Variants in NRG1 observed in about 807,000 individuals in gnomAD.
The protein encoded by NRG1 is pro-neuregulin-1, membrane-bound isoform.
NRG1 carries 18 observed loss-of-function variants against 63.8 expected under a neutral mutation model. The observed-to-expected ratio is 0.28, with a 90% confidence interval of 0.19 to 0.42. NRG1 has a LOEUF of 0.42. Among genes scored for constraint, NRG1 ranks in the 10% least tolerant of loss-of-function variants. The probability of loss-of-function intolerance (pLI) is 1.00; values close to 1 mark genes in which losing one functional copy is unlikely to be tolerated. For synonymous variants in NRG1, 302 were observed against 301.3 expected (o/e 1.00, Z -0.02); for missense variants, 762 against 814.7 (o/e 0.94, Z 0.79).
At chr8:32,422,718 T>G (rs558362916) in intron 1 of NRG1, among the ~76,000 whole-genome samples, 2 of 152,362 alleles carry the variant, frequency 1.3e-5, no homozygotes, top group East Asian at 1.9e-4. Context: ...ACGTTGGGTA[T>G]TGTCAATTTT....
At chr8:31,847,298 C>T (rs565501081) in intron 1 of NRG1, among the ~76,000 whole-genome samples, 2 of 140,118 alleles carry the variant, frequency 1.4e-5, no homozygotes, top group African/African-American at 5.2e-5. Flanking sequence ...CTTTAAAAGA[C>T]ATTAAGCCAT....
chr8:31,659,486 G>A (rs1187169260), intron 1 of NRG1, among the ~76,000 whole-genome samples: 2 of 152,070 alleles, frequency 1.3e-5, no homozygotes, highest in African/African-American at 2.4e-5. Flanking sequence ...TCCCCCAGGG[G>A]CGAGGGGGGA....
In NRG1 at chr8:32,412,441, T is replaced by TACACAC. The variant is rs1246016477; in HGVS notation, c.38-183386_38-183385insCACACA. Among the ~76,000 whole-genome samples the TACACAC allele has an allele frequency of 8.1e-5, 4 of 49,638 alleles. 1 individual carries two copies. The highest frequency in any genetic ancestry group is 1.5e-4 in the Non-Finnish European group (3 of 20,308). 32.6% of individuals were successfully genotyped at this position (49,638 alleles called of 152,430 possible). A position where few individuals can be genotyped will look rare whatever the true frequency, so the allele number is the denominator to read the frequency against. On this transcript the variant is annotated intron_variant, in intron 1 of 10. Coordinates refer to the NRG1 transcript ENST00000519301. ...CTCTCTACATATATATATATATATATATATATATATACATATATATATATA... is the reference window on the plus strand; with the variant it reads ...CTCTCTACATATATATATATATATATACACACATATATATATACATATATATATATA...
chr8:32,543,922 C>T (rs1832806272), upstream of NRG1, among the ~76,000 whole-genome samples: 1 of 152,250 alleles, frequency 6.6e-6, no homozygotes, highest in South Asian at 2.1e-4. Flanking sequence ...ATAAACTCAA[C>T]ATGCATGTTG....
chr8:32,607,887 C>G (rs1389691915), intron 3 of NRG1, among the ~76,000 whole-genome samples: 1 of 151,990 alleles, frequency 6.6e-6, no homozygotes, highest in East Asian at 1.9e-4. Context: ...GTAATTAAAG[C>G]CTCTGAAGAA....
chr8:32,102,623 C>T (rs931231774), intron 1 of NRG1, among the ~76,000 whole-genome samples: 15 of 152,180 alleles, frequency 9.9e-5, no homozygotes, highest in Admixed American at 9.8e-4. Context: ...TATCTCTGTG[C>T]TCCCTGTTAG....
intron 1 of NRG1, among the ~76,000 whole-genome samples, chr8:32,293,648 AT>A (rs1183819528): frequency 2.2e-5 from 3 of 135,784 alleles, no homozygotes; most frequent in East Asian, 2.2e-4. Context: ...ATTTTTTTCT[AT>A]TTTTTTATTT....
rs145791109 is a variant in NRG1, at chr8:32,525,326, G to C, written c.38-70502G>C. ...GCCCCTGTGGCACTGCTGAAAGTCA[G>C]TCTTTTGTCACAAGGAAGGCAGTTT... On this transcript the variant is annotated intron_variant, in intron 1 of 10. Transcript: ENST00000519301. 9.7e-4 allele frequency among the ~76,000 whole-genome samples: 148 copies of C among 152,064 alleles called. 1 individual carries two copies. The highest frequency in any genetic ancestry group is 3.4e-3 in the African/African-American group (141 of 41,486).
intron 8 of NRG1, 129 bp downstream of exon 8, chr8:32,754,603 A>G (rs2129052778): frequency 1.3e-6 from 1 of 782,726 alleles, no homozygotes; most frequent in East Asian, 2.7e-5. Context: ...GCAGGGGGAG[A>G]TTATTTCCTC....
chr8:32,614,667 A>G, intron 4 of NRG1, 103 bp downstream of exon 4: 1 of 1,028,638 alleles, frequency 9.7e-7, no homozygotes, highest in East Asian at 2.4e-5. Flanking sequence ...CAGACCTCTC[A>G]GCTGCTCTTG....
chr8:32,617,837 A>G (rs1035405540), intron 5 of NRG1, among the ~76,000 whole-genome samples: 3 of 152,148 alleles, frequency 2.0e-5, no homozygotes, highest in Non-Finnish European at 4.4e-5. Flanking sequence ...TGTTTTGTCA[A>G]TCTGTTTAAA....
At chr8:32,179,628 A>G (rs1255843307) in intron 1 of NRG1, among the ~76,000 whole-genome samples, 1 of 152,150 alleles carries the variant, frequency 6.6e-6, no homozygotes, top group Non-Finnish European at 1.5e-5. Context: ...ACTTTCAACT[A>G]TATTAGAACA....
intron 1 of NRG1, among the ~76,000 whole-genome samples, chr8:32,246,252 A>C (rs930889434): frequency 6.6e-6 from 1 of 152,206 alleles, no homozygotes; most frequent in South Asian, 2.1e-4. Context: ...AATAGAAAGA[A>C]GTTTCCTATG....
intron 1 of NRG1, among the ~76,000 whole-genome samples, chr8:32,541,960 G>A (rs1202900517): frequency 6.6e-6 from 1 of 152,188 alleles, no homozygotes; most frequent in African/African-American, 2.4e-5. Context: ...TAATCTTAAT[G>A]ACGAGAGGAA....
intron 1 of NRG1, among the ~76,000 whole-genome samples, chr8:31,722,768 C>G (rs1585927271): frequency 6.6e-6 from 1 of 152,128 alleles, no homozygotes; most frequent in African/African-American, 2.4e-5. Flanking sequence ...AGAGCTTAGA[C>G]AAGAACCAAG....
intron 1 of NRG1, among the ~76,000 whole-genome samples, chr8:31,755,385 C>T (rs1393695629): frequency 6.6e-6 from 1 of 151,168 alleles, no homozygotes; most frequent in Non-Finnish European, 1.5e-5. Context: ...CTTACTTGCC[C>T]AAGGTGCTTG....
At chr8:31,780,596 TTC>T (rs1229226572) in intron 1 of NRG1, among the ~76,000 whole-genome samples, 1 of 152,238 alleles carries the variant, frequency 6.6e-6, no homozygotes, top group Non-Finnish European at 1.5e-5. Flanking sequence ...GCGTTAGAAT[TTC>T]TGAGACATTC....
intron 1 of NRG1, among the ~76,000 whole-genome samples, chr8:32,257,155 A>G (rs916141464): frequency 2.6e-5 from 4 of 152,170 alleles, no homozygotes; most frequent in African/African-American, 7.2e-5. Flanking sequence ...AGAGTGTCCC[A>G]GGTGGACTTC....
At chr8:32,231,863 C>T (rs1452634801) in intron 1 of NRG1, among the ~76,000 whole-genome samples, 1 of 150,954 alleles carries the variant, frequency 6.6e-6, no homozygotes, top group African/African-American at 2.4e-5. Flanking sequence ...CCACTGCCCT[C>T]CAGCCTGGGC....
Sources: allele counts gnomAD v4.1 joint callset (sites outside exome capture counted in the v4.1 genomes callset), GRCh38; gene constraint gnomAD v4.1.1; transcripts MANE v1.5; gene names NCBI Gene and HGNC (gene_info 2026-07-23, HGNC 2026-07-21).